ZFPM2: variants seen among roughly 807,000 people sequenced by gnomAD.
The protein encoded by ZFPM2 is zinc finger protein, FOG family member 2, also known as zinc finger protein ZFPM2.
Under a neutral mutation model 98.6 loss-of-function variants are expected in ZFPM2, and 20 were observed. The observed-to-expected ratio is 0.20, with a 90% confidence interval of 0.14 to 0.29. The LOEUF (loss-of-function observed/expected upper bound fraction) is 0.29. Among genes scored for constraint, ZFPM2 ranks in the 10% least tolerant of loss-of-function variants. The pLI is 1.00. For synonymous variants in ZFPM2, 518 were observed against 502.7 expected, an observed-to-expected ratio of 1.03 and a Z score of -0.41; for missense variants, 1,310 against 1,388.6, an observed-to-expected ratio of 0.94 and a Z score of 0.90.
At chr8:105,347,744 T>G (rs1318082373) in intron 1 of ZFPM2, among the ~76,000 whole-genome samples, 1 of 152,204 alleles carries the variant, frequency 6.6e-6, no homozygotes, top group Admixed American at 6.5e-5. Context: ...CAGCTTCTGT[T>G]TTATGCCCCC....
At chr8:105,590,762 G>GCACACACA (rs71305167) in intron 4 of ZFPM2, among the ~76,000 whole-genome samples, 2,241 of 149,912 alleles carry the variant, frequency 0.015, 23 homozygotes, top group Non-Finnish European at 0.025. Flanking sequence ...ACGTGCGCAC[G>GCACACACA]CACACACACA....
chr8:105,488,383 G>C (rs561998658), intron 3 of ZFPM2, among the ~76,000 whole-genome samples: 2 of 152,062 alleles, frequency 1.3e-5, no homozygotes, highest in Non-Finnish European at 2.9e-5. Context: ...AGATGAGTGC[G>C]GGCAAATAGT....
At chr8:105,777,043 G>C (rs1374191556) in intron 5 of ZFPM2, among the ~76,000 whole-genome samples, 2 of 152,104 alleles carry the variant, frequency 1.3e-5, no homozygotes, top group Non-Finnish European at 2.9e-5. Context: ...GAAATCATCA[G>C]AATAGAAACT....
intron 2 of ZFPM2, among the ~76,000 whole-genome samples, chr8:105,424,856 G>C (rs995309685): frequency 1.3e-4 from 20 of 152,210 alleles, no homozygotes; most frequent in Non-Finnish European, 2.1e-4. Context: ...GAGAGAGAGA[G>C]AGGCAATAAA....
chr8:105,575,477 G>T (rs1815446936), intron 4 of ZFPM2, among the ~76,000 whole-genome samples: 1 of 152,140 alleles, frequency 6.6e-6, no homozygotes, highest in South Asian at 2.1e-4. Context: ...GACTAGATGA[G>T]CTAGGGAATA....
At chr8:105,517,360 T>C (rs567151137) in intron 3 of ZFPM2, among the ~76,000 whole-genome samples, 5 of 152,296 alleles carry the variant, frequency 3.3e-5, no homozygotes, top group Admixed American at 6.5e-5. Flanking sequence ...CTTGATGATA[T>C]AAAAATTCTT....
chr8:105,697,568 T>G (rs1010920242), intron 5 of ZFPM2, among the ~76,000 whole-genome samples: 2 of 152,148 alleles, frequency 1.3e-5, no homozygotes, highest in Non-Finnish European at 2.9e-5. Context: ...TGATGATATA[T>G]CCTTTAAACT....
chr8:105,733,242 C>A (rs965276523), intron 5 of ZFPM2, among the ~76,000 whole-genome samples: 5 of 151,860 alleles, frequency 3.3e-5, no homozygotes, highest in Admixed American at 3.3e-4. Flanking sequence ...ACATAGGAAT[C>A]ATGCCTCTTA....
chr8:105,521,639 A>G (rs979126892), intron 3 of ZFPM2, among the ~76,000 whole-genome samples: 2 of 151,796 alleles, frequency 1.3e-5, no homozygotes, highest in Non-Finnish European at 2.9e-5. Context: ...CTGCAGTGGT[A>G]CAATCTGGGG....
chr8:105,711,903 T>C (rs1811410293), intron 5 of ZFPM2, among the ~76,000 whole-genome samples: 1 of 152,080 alleles, frequency 6.6e-6, no homozygotes, highest in African/African-American at 2.4e-5. Flanking sequence ...CTTTCTATGG[T>C]TTTATATATA....
intron 1 of ZFPM2, among the ~76,000 whole-genome samples, chr8:105,363,590 C>G (rs150810942): frequency 2.6e-3 from 392 of 152,232 alleles, no homozygotes; most frequent in African/African-American, 8.9e-3. Context: ...GTCTTAGATT[C>G]CAACTCAGCT....
chr8:105,475,770 C>A (rs114744702), intron 3 of ZFPM2, among the ~76,000 whole-genome samples: 2,571 of 152,230 alleles, frequency 0.017, 66 homozygotes, highest in African/African-American at 0.059. Context: ...TACCCATTAA[C>A]TTATTGATAT....
In ZFPM2 at chr8:105,560,575, T is replaced by A. The variant is rs1477362372; in HGVS notation, c.302-788T>A. ...CAAACAACATTTAAGCTATTGGCCG[T>A]TTTTTTTTTTTTTGAAATTTTGAGG... On this transcript the variant is annotated intron_variant, in intron 3 of 7. Coordinates refer to ENST00000407775, the MANE Select transcript of ZFPM2 (RefSeq NM_012082.4). 5.3e-4 allele frequency among the ~76,000 whole-genome samples: 28 copies of A among 53,290 alleles called. No individual in the cohort carries two copies. In the East Asian group the frequency reaches 6.4e-3, roughly 12 times the overall value. The allele number at this position is 53,290 out of a possible 152,430, so 35.0% of individuals were successfully genotyped here.
chr8:105,661,195 C>A (rs1278172075), intron 5 of ZFPM2, among the ~76,000 whole-genome samples: 29 of 152,134 alleles, frequency 1.9e-4, no homozygotes, highest in Admixed American at 1.9e-3. Flanking sequence ...ATCCCAATTA[C>A]ATGAGTTAAG....
intron 4 of ZFPM2, among the ~76,000 whole-genome samples, chr8:105,626,639 T>C (rs1181330940): frequency 6.6e-6 from 1 of 152,120 alleles, no homozygotes; most frequent in Non-Finnish European, 1.5e-5. Flanking sequence ...TTTCTGGTTC[T>C]CACAATATAA....
intron 5 of ZFPM2, among the ~76,000 whole-genome samples, chr8:105,708,827 A>G (rs1811319456): frequency 6.6e-6 from 1 of 152,212 alleles, no homozygotes; most frequent in Non-Finnish European, 1.5e-5. Context: ...GCAAAAACCC[A>G]TTATTTTGGC....
intron 5 of ZFPM2, among the ~76,000 whole-genome samples, chr8:105,681,616 A>G (rs531316178): frequency 1.3e-5 from 2 of 152,190 alleles, no homozygotes; most frequent in Non-Finnish European, 2.9e-5. Flanking sequence ...TAGGAAGAGT[A>G]ATAACTACCT....
chr8:105,600,212 C>T (rs1356522265), intron 4 of ZFPM2, among the ~76,000 whole-genome samples: 1 of 151,966 alleles, frequency 6.6e-6, no homozygotes, highest in Non-Finnish European at 1.5e-5. Flanking sequence ...CAAAGTTGTA[C>T]TTGGGAAAAA....
intron 5 of ZFPM2, among the ~76,000 whole-genome samples, chr8:105,715,837 ACCT>A (rs897299698): frequency 4.6e-5 from 7 of 151,932 alleles, no homozygotes. Flanking sequence ...TTTGCCCCAG[ACCT>A]CCTGATTCAG....
Sources: gnomAD v4.1 joint callset for allele counts (sites outside exome capture counted in the v4.1 genomes callset) on GRCh38, gnomAD v4.1.1 for gene constraint, MANE v1.5 for transcripts, NCBI Gene and HGNC (gene_info 2026-07-23, HGNC 2026-07-21) for gene names.